E2F6: variants seen among roughly 807,000 people sequenced by gnomAD.
The protein encoded by E2F6 is E2F transcription factor 6.
In E2F6, 19 loss-of-function variants were observed where a neutral mutation model predicts 31.5. That is an observed-to-expected ratio of 0.60 (90% CI 0.42 to 0.89). The LOEUF is 0.89. E2F6 is among the 40% of genes least tolerant of loss of function. The pLI is 0.00. For missense variants in E2F6, 269 were observed against 341.6 expected (o/e 0.79, Z 1.67); for synonymous variants, 121 against 127.7 (o/e 0.95, Z 0.36).
intron 2 of E2F6, among the ~76,000 whole-genome samples, chr2:11,454,545 C>A (rs757751998): frequency 6.6e-6 from 1 of 152,062 alleles, no homozygotes; most frequent in Non-Finnish European, 1.5e-5. Flanking sequence ...CGGGGTTTCA[C>A]CATATTGGCC....
At chr2:11,464,397 G>T (rs1322302000) in intron 1 of E2F6, among the ~76,000 whole-genome samples, 3 of 151,386 alleles carry the variant, frequency 2.0e-5, no homozygotes, top group Non-Finnish European at 4.4e-5. Context: ...GGTGCCTGTA[G>T]TCCCAGCTAC....
rs1672170496 is a variant in E2F6 at position 11,465,847 on chromosome 2, G to A, written c.33C>T (p.Pro11=). 1 of 1,584,770 alleles carries A rather than the reference G, an allele frequency of 6.3e-7. No individual in the cohort carries two copies. Among genetic ancestry groups the A allele is most frequent in the South Asian group, 1.2e-5 (1 of 86,892 alleles). ...CCTCCGTCGGGTCCAGGAGGAGACTGGGTAACTTCCTCGCCGGCCGCTGCT... is the reference window on the plus strand; with the variant it reads ...CCTCCGTCGGGTCCAGGAGGAGACTAGGTAACTTCCTCGCCGGCCGCTGCT... The part of the protein sequence containing the change: MSQQRPARKL[P]SLLLDPTEET... The change falls in exon 1 of 7, where the codon CCC becomes CCT. Residue 11 remains proline (P), a synonymous_variant. Coordinates refer to ENST00000381525, the MANE Select transcript of E2F6 (RefSeq NM_198256.4).
At chr2:11,465,719 G>C (rs565788706) in intron 1 of E2F6, 53 bp downstream of exon 1, 209 of 1,535,346 alleles carry the variant, frequency 1.4e-4, no homozygotes, top group Non-Finnish European at 1.7e-4. Flanking sequence ...GCGGGGAGGA[G>C]GGGGCCGGAT....
chr2:11,463,745 AGTTCAAGACCAGCCTGG>A (rs1671931346), intron 1 of E2F6, among the ~76,000 whole-genome samples: 1 of 152,150 alleles, frequency 6.6e-6, no homozygotes, highest in Non-Finnish European at 1.5e-5. Context: ...TGAGCCCAGG[AGTTCAAGACCAGCCTGG>A]GCCCCATAGG....
intron 1 of E2F6, among the ~76,000 whole-genome samples, chr2:11,460,967 T>C (rs1170856195): frequency 1.3e-5 from 2 of 152,080 alleles, no homozygotes; most frequent in Non-Finnish European, 2.9e-5. Flanking sequence ...GAGTGAGTCA[T>C]ACTTTGCACC....
intron 3 of E2F6, 135 bp from the exon 4 acceptor site, chr2:11,451,941 T>G: frequency 2.5e-6 from 2 of 789,898 alleles, no homozygotes; most frequent in Non-Finnish European, 4.1e-6. Flanking sequence ...GACTTTTAAC[T>G]TCTGCCGTCT....
At chr2:11,454,629 A>G (rs6729114) in intron 2 of E2F6, among the ~76,000 whole-genome samples, 69,520 of 151,808 alleles carry the variant, frequency 0.46, 16,626 homozygotes, top group East Asian at 0.61. Flanking sequence ...GATTACAGGC[A>G]TTAAGAGCCA....
chr2:11,457,480 G>A (rs960072135), intron 1 of E2F6, among the ~76,000 whole-genome samples: 11 of 152,182 alleles, frequency 7.2e-5, no homozygotes, highest in Non-Finnish European at 1.2e-4. Context: ...AAAATTAGCC[G>A]GGCGTGGTGG....
In E2F6 at chr2:11,465,916, A is replaced by G. The variant is rs1259856284; in HGVS notation, c.-37T>C. ...GGGCGTCCTGCTCCCCTCGCACCCC[A>G]CGAGCTCTCCCGCCCTCTCGCGCTC... On this transcript the variant is annotated 5_prime_UTR_variant, in exon 1 of 7. Transcript: ENST00000381525. 6.7e-7 allele frequency: 1 copy of G among 1,489,302 alleles called. No homozygotes were observed. Among genetic ancestry groups the G allele is most frequent in the African/African-American group, 1.4e-5 (1 of 70,444 alleles). The allele number at this position is 1,489,302 out of a possible 1,614,324, so 92.3% of individuals were successfully genotyped here. A position where few individuals can be genotyped will look rare whatever the true frequency, so the allele number is the denominator to read the frequency against.
chr2:11,462,794 T>C (rs961450635), intron 1 of E2F6, among the ~76,000 whole-genome samples: 6 of 152,210 alleles, frequency 3.9e-5, no homozygotes, highest in African/African-American at 1.4e-4. Flanking sequence ...CAAGATTTCA[T>C]GACACTACTG....
At chr2:11,449,877 G>A (rs1365651593) in intron 5 of E2F6, 135 bp downstream of exon 5, 3 of 522,642 alleles carry the variant, frequency 5.7e-6, no homozygotes, top group Admixed American at 3.7e-5. Flanking sequence ...TTAAATGTGT[G>A]AAGTGCCTTG....
intron 1 of E2F6, 99 bp from the exon 2 acceptor site, chr2:11,457,332 A>G: frequency 1.3e-6 from 1 of 778,912 alleles, no homozygotes; most frequent in South Asian, 1.6e-5. Context: ...GAATATGAAT[A>G]TGATAATTAC....
intron 3 of E2F6, 105 bp downstream of exon 3, chr2:11,453,477 C>T: frequency 7.6e-6 from 8 of 1,050,744 alleles, no homozygotes; most frequent in Non-Finnish European, 1.1e-5. Flanking sequence ...AGAAGTCGTA[C>T]CTTTGTATTA....
At chr2:11,462,674 T>G (rs767826759) in intron 1 of E2F6, among the ~76,000 whole-genome samples, 10 of 152,172 alleles carry the variant, frequency 6.6e-5, no homozygotes, top group Non-Finnish European at 1.3e-4. Context: ...ACCGTGACAG[T>G]TGGTCTGAGA....
At chr2:11,447,042 G>A (rs1301074998) in intron 6 of E2F6, among the ~76,000 whole-genome samples, 1 of 152,214 alleles carries the variant, frequency 6.6e-6, no homozygotes, top group African/African-American at 2.4e-5. Context: ...GATGGCTTCT[G>A]CCCAGGCCGG....
At chr2:11,454,350 CTCTT>C (rs1349847992) in intron 2 of E2F6, among the ~76,000 whole-genome samples, 24 of 150,036 alleles carry the variant, frequency 1.6e-4, no homozygotes, top group African/African-American at 6.0e-4. Flanking sequence ...TGGTATCTCT[CTCTT>C]TTTTTTTTTT....
chr2:11,464,240 C>G (rs1558465144), intron 1 of E2F6, among the ~76,000 whole-genome samples: 1 of 152,160 alleles, frequency 6.6e-6, no homozygotes, highest in East Asian at 1.9e-4. Context: ...GTGTAAATAA[C>G]CTTTTCAAGA....
rs374415036 is a variant in E2F6, at chr2:11,447,793, A to C, written c.652-19T>G. The stretch of plus-strand genomic sequence containing the variant: ...TAGAGTCCTAGCAAAGGACACAGGA[A>C]TCGTCAAGATGAATGAAATAATAAA... On this transcript the variant is annotated intron_variant, in intron 5 of 6. Coordinates refer to ENST00000381525, the MANE Select transcript of E2F6 (RefSeq NM_198256.4). 2 of 1,596,372 alleles carry C rather than the reference A, an allele frequency of 1.3e-6. No individual in the cohort carries two copies. The highest frequency in any genetic ancestry group is 2.7e-5 in the African/African-American group (2 of 74,108).
At chr2:11,463,147 G>A (rs920923823) in intron 1 of E2F6, among the ~76,000 whole-genome samples, 2 of 152,150 alleles carry the variant, frequency 1.3e-5, no homozygotes, top group African/African-American at 2.4e-5. Context: ...CAATACAGAT[G>A]GTACCAATAT....
Sources: allele counts gnomAD v4.1 joint callset (sites outside exome capture counted in the v4.1 genomes callset), GRCh38; gene constraint gnomAD v4.1.1; transcripts MANE v1.5; gene names NCBI Gene and HGNC (gene_info 2026-07-23, HGNC 2026-07-21).